PPP2CB: variants seen among roughly 807,000 people sequenced by gnomAD.
The protein encoded by PPP2CB is serine/threonine-protein phosphatase 2A catalytic subunit beta isoform.
Under a neutral mutation model 39.1 loss-of-function variants are expected in PPP2CB, and 18 were observed. That is an observed-to-expected ratio of 0.46 (90% confidence interval 0.32 to 0.68). The LOEUF (loss-of-function observed/expected upper bound fraction) is 0.68, where lower values mean the gene tolerates loss of function less well. Among genes scored for constraint, PPP2CB ranks in the 30% least tolerant of loss-of-function variants. PPP2CB has a pLI of 0.04. For synonymous variants in PPP2CB, 129 were observed against 133.8 expected (o/e 0.96, Z 0.25); for missense variants, 226 against 396.9 (o/e 0.57, Z 3.66).
intron 1 of PPP2CB, among the ~76,000 whole-genome samples, chr8:30,811,304 T>C (rs978079133): frequency 6.6e-6 from 1 of 152,170 alleles, no homozygotes; most frequent in Non-Finnish European, 1.5e-5. Context: ...ACATCCCACT[T>C]ATCATTTCCA....
Position 30,797,764 on chromosome 8 carries a change from A to G in PPP2CB, c.313-10T>C. On this transcript the variant is annotated splice_polypyrimidine_tract_variant and intron_variant, in intron 2 of 6. Transcript: ENST00000221138. ...GTTCTGGATAACGCACCTGGAAGAA[A>G]AGGAGTAAAACCCATAGTAAAATCA... 2 of 1,611,628 alleles carry G rather than the reference A, an allele frequency of 1.2e-6. No homozygotes were observed. The highest frequency in any genetic ancestry group is 1.7e-6 in the Non-Finnish European group (2 of 1,179,210).
chr8:30,812,810 C>G lies in PPP2CB; in HGVS notation c.-389G>C, dbSNP rs1314733797. 2 of 460,360 alleles carry G rather than the reference C, an allele frequency of 4.3e-6. No homozygotes were observed. The highest frequency in any genetic ancestry group is 4.4e-6 in the Non-Finnish European group (1 of 229,522). The allele number at this position is 460,360 out of a possible 1,614,324, so 28.5% of individuals were successfully genotyped here. ...CCGGCCTCTCCCGACTTGTCTTTCC[C>G]CTTCTCTCGCTCTTTCTCTCCCCTC... On this transcript the variant is annotated 5_prime_UTR_variant, in exon 1 of 7. Coordinates refer to ENST00000221138, the MANE Select transcript of PPP2CB (RefSeq NM_001009552.2).
At position 30,812,370 on chromosome 8, in the gene PPP2CB, T is replaced by C. The variant is rs1360383752; in HGVS notation, c.52A>G (p.Asn18Asp). 1.3e-6 allele frequency: 2 copies of C among 1,564,312 alleles called. No individual in the cohort carries two copies. Among genetic ancestry groups the C allele is most frequent in the Non-Finnish European group, 1.7e-6 (2 of 1,152,436 alleles). Residue 18 changes from asparagine (N) to aspartate (D), a missense_variant, in exon 1 of 7, where the codon AAC becomes GAC. This residue lies in a region of PPP2CB where 59 missense variants were observed against 42.6 expected (regional missense o/e 1.38). Transcript: ENST00000221138. ...TTCTCGTTCAGCTGCTTACACTCGT[T>C]CAGCTGCTCGACCCACTGGTCCAGC... ...KELDQWVEQLNECKQLNENQV... is the reference protein window; with the variant it reads ...KELDQWVEQLDECKQLNENQV...
intron 6 of PPP2CB, among the ~76,000 whole-genome samples, chr8:30,788,587 A>G (rs1806381334): frequency 6.6e-6 from 1 of 152,180 alleles, no homozygotes; most frequent in Non-Finnish European, 1.5e-5. Context: ...TTGTGTTTGG[A>G]GAATATCCTT....
intron 3 of PPP2CB, chr8:30,794,534 C>T (rs534572411): frequency 2.0e-5 from 8 of 401,244 alleles, no homozygotes; most frequent in Non-Finnish European, 3.6e-5. Flanking sequence ...TATCCCCATC[C>T]TTGGTACCTA....
At chr8:30,809,617 A>G (rs1806789948) in intron 1 of PPP2CB, among the ~76,000 whole-genome samples, 1 of 152,136 alleles carries the variant, frequency 6.6e-6, no homozygotes, top group African/African-American at 2.4e-5. Context: ...TAACAAATTC[A>G]TGCTTTGTGG....
At position 30,799,529 on chromosome 8, in the gene PPP2CB, A is replaced by G; in HGVS notation, c.312+17T>C. The G allele has an allele frequency of 6.3e-7, 1 of 1,592,218 alleles. No individual in the cohort carries two copies. Among genetic ancestry groups the G allele is most frequent in the Non-Finnish European group, 8.6e-7 (1 of 1,165,060 alleles). On this transcript the variant is annotated intron_variant, in intron 2 of 6. Coordinates refer to ENST00000221138, the MANE Select transcript of PPP2CB (RefSeq NM_001009552.2). Reference sequence around the variant, plus strand: ...GGTTTAAATCTTGAAAAAAAAATTGAATTTCAATAATCATACCTTTAATGC... The same window carrying G: ...GGTTTAAATCTTGAAAAAAAAATTGGATTTCAATAATCATACCTTTAATGC...
Position 30,785,926 on chromosome 8 carries a change from G to A in PPP2CB, c.*309C>T. On this transcript the variant is annotated 3_prime_UTR_variant, in exon 7 of 7. Transcript: ENST00000221138. The stretch of plus-strand genomic sequence containing the variant: ...CACTATAACTAAAATTTCCAAATAA[G>A]CGCAAAAGGAGATGAAGCAGTTAGT... The A allele has an allele frequency of 3.9e-6, 2 of 506,790 alleles. No individual in the cohort carries two copies. The highest frequency in any genetic ancestry group is 1.6e-5 in the South Asian group (1 of 63,504). 31.4% of individuals were successfully genotyped at this position (506,790 alleles called of 1,614,324 possible). A position where few individuals can be genotyped will look rare whatever the true frequency, so the allele number is the denominator to read the frequency against.
At chr8:30,792,253 C>A (rs927306558) in intron 5 of PPP2CB, among the ~76,000 whole-genome samples, 9 of 152,132 alleles carry the variant, frequency 5.9e-5, no homozygotes, top group African/African-American at 1.9e-4. Context: ...CAGGATCTCA[C>A]CATGTTGCCC....
chr8:30,810,958 G>C (rs1010415356), intron 1 of PPP2CB, among the ~76,000 whole-genome samples: 1 of 152,068 alleles, frequency 6.6e-6, no homozygotes, highest in Admixed American at 6.6e-5. Flanking sequence ...AAACATTACG[G>C]TTAAGAAAAT....
intron 2 of PPP2CB, 84 bp downstream of exon 2, chr8:30,799,461 TA>T: frequency 8.8e-7 from 1 of 1,139,864 alleles, no homozygotes; most frequent in Non-Finnish European, 1.3e-6. Flanking sequence ...GAACAGACCA[TA>T]AAACAGATGA....
At position 30,786,215 on chromosome 8, in the gene PPP2CB, G is replaced by T; in HGVS notation, c.*20C>A. The T allele has an allele frequency of 5.2e-6, 8 of 1,530,672 alleles. No individual in the cohort carries two copies. The highest frequency in any genetic ancestry group is 7.1e-6 in the Non-Finnish European group (8 of 1,132,008). The allele number at this position is 1,530,672 out of a possible 1,614,324, so 94.8% of individuals were successfully genotyped here. On this transcript the variant is annotated 3_prime_UTR_variant, in exon 7 of 7. Coordinates refer to ENST00000221138, the MANE Select transcript of PPP2CB (RefSeq NM_001009552.2). ...GCCAGGTATACTTCCACATACAAAGGCAGGTTTCCCAGGAGAAATTTATAG... is the reference window on the plus strand; with the variant it reads ...GCCAGGTATACTTCCACATACAAAGTCAGGTTTCCCAGGAGAAATTTATAG...
chr8:30,793,793 A>C, intron 5 of PPP2CB, 124 bp downstream of exon 5: 1 of 1,153,824 alleles, frequency 8.7e-7, no homozygotes, highest in East Asian at 2.6e-5. Flanking sequence ...AAAACCAGCA[A>C]GTTTTTCCTC....
chr8:30,789,904 T>C (rs1806403957), intron 6 of PPP2CB, among the ~76,000 whole-genome samples: 1 of 152,176 alleles, frequency 6.6e-6, no homozygotes, highest in South Asian at 2.1e-4. Flanking sequence ...CTGAAGGCTC[T>C]AGGAAAAATC....
chr8:30,794,334 T>C (rs1806485028), intron 3 of PPP2CB, 53 bp from the exon 4 acceptor site: 1 of 1,416,890 alleles, frequency 7.1e-7, no homozygotes, highest in Non-Finnish European at 9.9e-7. Context: ...CTCCAAACAG[T>C]TAACAAAGAG....
intron 6 of PPP2CB, among the ~76,000 whole-genome samples, chr8:30,790,089 AATAATT>A (rs1275208007): frequency 6.6e-6 from 1 of 152,188 alleles, no homozygotes; most frequent in Non-Finnish European, 1.5e-5. Context: ...TCTCATCTTT[AATAATT>A]ATATCTGTAA....
intron 5 of PPP2CB, 43 bp downstream of exon 5, chr8:30,793,874 T>C (rs778622248): frequency 6.4e-6 from 10 of 1,568,648 alleles, no homozygotes; most frequent in South Asian, 2.4e-5. Flanking sequence ...CAGAAGTATA[T>C]ACTAATCTGA....
In PPP2CB at chr8:30,811,533, C is replaced by T. The variant is rs544887767; in HGVS notation, c.102+787G>A. The stretch of plus-strand genomic sequence containing the variant: ...TTTTTTTTTTTTTTTTTGCTGTCGC[C>T]CAGGCTGGAGTGCAGTGGCGCGATC... On this transcript the variant is annotated intron_variant, in intron 1 of 6. Coordinates refer to ENST00000221138, the MANE Select transcript of PPP2CB (RefSeq NM_001009552.2). Among the ~76,000 whole-genome samples the T allele has an allele frequency of 4.0e-5, 6 of 150,318 alleles. No homozygotes were observed. In the East Asian group the frequency reaches 9.7e-4, roughly 24 times the overall value.
At chr8:30,789,084 C>T (rs533428425) in intron 6 of PPP2CB, among the ~76,000 whole-genome samples, 111 of 148,196 alleles carry the variant, frequency 7.5e-4, no homozygotes, top group African/African-American at 2.1e-3. Context: ...ACTTTTGTTG[C>T]CCAGGCTGGA....
Sources: allele counts gnomAD v4.1 joint callset (sites outside exome capture counted in the v4.1 genomes callset), GRCh38; gene constraint gnomAD v4.1.1; regional missense constraint gnomAD v4.1.1; transcripts MANE v1.5; gene names NCBI Gene and HGNC (gene_info 2026-07-23, HGNC 2026-07-21).